The following NOS2 variants were observed in gnomAD, a reference collection of about 807,000 sequenced individuals.
NOS2 encodes the protein nitric oxide synthase 2.
Under a neutral mutation model 136.0 loss-of-function variants are expected in NOS2, and 96 were observed. That is an observed-to-expected ratio of 0.71 (90% CI 0.60 to 0.84). NOS2 has a LOEUF of 0.84. Ranked by LOEUF, NOS2 falls within the 40% of genes least tolerant of loss-of-function variation. The pLI is 0.00. For synonymous variants in NOS2, 539 were observed against 587.5 expected, an observed-to-expected ratio of 0.92 and a Z score of 1.20; for missense variants, 1,237 against 1,496.9, an observed-to-expected ratio of 0.83 and a Z score of 2.87.
At chr17:27,779,207 G>A in intron 9 of NOS2, 151 bp from the exon 10 acceptor site, 1 of 510,226 alleles carries the variant, frequency 2.0e-6, no homozygotes, top group Non-Finnish European at 3.0e-6. Flanking sequence ...TTAACTCCTG[G>A]GCCCAAGCGA....
intron 5 of NOS2, among the ~76,000 whole-genome samples, chr17:27,783,747 A>G (rs1408984443): frequency 3.3e-5 from 5 of 152,264 alleles, no homozygotes; most frequent in Non-Finnish European, 5.9e-5. Flanking sequence ...GCCCAGGAAC[A>G]TAAGTACAGG....
Position 27,783,058 on chromosome 17 carries a change from C to T in NOS2, c.516G>A (p.Glu172=). The T allele has an allele frequency of 1.2e-6, 2 of 1,614,236 alleles. No individual in the cohort carries two copies. Among genetic ancestry groups the T allele is most frequent in the South Asian group, 1.1e-5 (1 of 91,084 alleles). ...GTTGGTAGGTTCCTGTTGTTTCTAT[C>T]TCCTTTGTTACCGCTTCCACCCTGG... ...HLARVEAVTK[E]IETTGTYQLT... is the part of the protein sequence containing the mutation. Residue 172 remains glutamate, a synonymous_variant, in exon 6 of 27, where the codon GAG becomes GAA. Coordinates refer to ENST00000313735, the MANE Select transcript of NOS2 (RefSeq NM_000625.4).
At chr17:27,797,499 T>A (rs1207331107) in intron 2 of NOS2, among the ~76,000 whole-genome samples, 1 of 152,252 alleles carries the variant, frequency 6.6e-6, no homozygotes, top group African/African-American at 2.4e-5. Context: ...GCAAAGCCAC[T>A]TGCTCATCCC....
chr17:27,765,117 T>C (rs1908254537), intron 20 of NOS2, among the ~76,000 whole-genome samples: 1 of 152,196 alleles, frequency 6.6e-6, no homozygotes, highest in Non-Finnish European at 1.5e-5. Context: ...TGGCTGGGAT[T>C]GGGATAACAG....
chr17:27,780,859 C>A lies in NOS2; in HGVS notation c.912G>T (p.Val304=), dbSNP rs1357987788. 8 of 1,614,010 alleles carry A rather than the reference C, an allele frequency of 5.0e-6. No individual in the cohort carries two copies. The highest frequency in any genetic ancestry group is 3.3e-5 in the Admixed American group (2 of 60,006). ...CATTGGCCTGCAGGACCAGGGGGAC[C>A]ACATCGAAGCGGCCGTACTTGGGCT... ...GWKPKYGRFD[V]VPLVLQANGR... is the part of the protein sequence containing the mutation. Residue 304 remains valine, a synonymous_variant, in exon 9 of 27, where the codon GTG becomes GTT. Transcript: ENST00000313735.
chr17:27,765,139 C>G (rs774437126), intron 20 of NOS2, among the ~76,000 whole-genome samples: 2 of 152,306 alleles, frequency 1.3e-5, no homozygotes, highest in Non-Finnish European at 2.9e-5. Flanking sequence ...CATGTACCAC[C>G]ATTCCTGTCT....
Position 27,758,904 on chromosome 17 carries a change from C to G in NOS2, c.3331G>C (p.Glu1111Gln). The G allele has an allele frequency of 6.2e-7, 1 of 1,605,516 alleles. No individual in the cohort carries two copies. The highest frequency in any genetic ancestry group is 8.5e-7 in the Non-Finnish European group (1 of 1,175,888). Residue 1111 changes from glutamate to glutamine, a missense_variant, in exon 26 of 27, where the codon GAG becomes CAG. Physicochemically the swap from Glu to Gln is conservative, Grantham distance 29. This residue lies in a region of NOS2 where 782 missense variants were observed against 909.9 expected (regional missense o/e 0.86). Transcript: ENST00000313735. ...AKLKLNEEQV[E>Q]DYFFQLKSQK... is the part of the protein sequence containing the mutation. ...ACCTTGAGCTGAAAGAAATAGTCCT[C>G]GACCTGCTCCTCATTCAATTTCAGC...
intron 24 of NOS2, 22 bp from the exon 25 acceptor site, chr17:27,760,200 G>A (rs1362530943): frequency 1.3e-6 from 2 of 1,525,828 alleles, no homozygotes; most frequent in East Asian, 2.3e-5. Context: ...CCGGGCTGTT[G>A]TTACCATGTT....
At chr17:27,791,798 A>ATATATATATATAT (rs1567643098) in intron 2 of NOS2, among the ~76,000 whole-genome samples, 12 of 150,782 alleles carry the variant, frequency 8.0e-5, no homozygotes, top group African/African-American at 2.9e-4. Flanking sequence ...AAAACAAAAC[A>ATATATATATATAT]AAACAAAAAT....
At chr17:27,766,182 CTT>C (rs998650326) in intron 19 of NOS2, among the ~76,000 whole-genome samples, 4 of 152,220 alleles carry the variant, frequency 2.6e-5, no homozygotes, top group Non-Finnish European at 5.9e-5. Context: ...CCTGCCAACA[CTT>C]TTCCTGAAAG....
intron 4 of NOS2, 89 bp from the exon 5 acceptor site, chr17:27,787,915 T>G: frequency 7.1e-7 from 1 of 1,406,890 alleles, no homozygotes; most frequent in Non-Finnish European, 9.6e-7. Context: ...ACCTGGCTCC[T>G]CTCTGGCTGC....
At chr17:27,763,939 A>G (rs201581146) in intron 21 of NOS2, 42 bp downstream of exon 21, 5 of 1,545,358 alleles carry the variant, frequency 3.2e-6, no homozygotes, top group Admixed American at 1.9e-5. Flanking sequence ...ACATGCTGGG[A>G]CCCCCCACAT....
chr17:27,760,044 G>A lies in NOS2; in HGVS notation c.3145C>T (p.Pro1049Ser). The change falls in exon 25 of 27, where the codon CCT becomes TCT. Residue 1049 changes from proline (P) to serine (S), a missense_variant. By Grantham distance (74) the Pro-to-Ser change is moderately conservative. This residue lies in a region of NOS2 where 782 missense variants were observed against 909.9 expected (regional missense o/e 0.86). Coordinates refer to ENST00000313735, the MANE Select transcript of NOS2 (RefSeq NM_000625.4). ...GCTGCATTTACCTTGGGCTTGCCAG[G>A]CAGGCGGGAATAGGCTGTGTGCACC... is the stretch of plus-strand genomic sequence containing the variant. ...HAVHTAYSRL[P>S]GKPKVYVQDI... is the part of the protein sequence containing the mutation. 1 of 1,536,734 alleles carries A rather than the reference G, an allele frequency of 6.5e-7. No homozygotes were observed. The highest frequency in any genetic ancestry group is 1.3e-5 in the South Asian group (1 of 79,990).
At position 27,788,882 on chromosome 17, in the gene NOS2, G is replaced by A. The variant is rs1567642184; in HGVS notation, c.245C>T (p.Pro82Leu). The A allele has an allele frequency of 1.9e-6, 3 of 1,614,070 alleles. No individual in the cohort carries two copies. The change falls in exon 4 of 27, where the codon CCA (proline) becomes CTA (leucine). Residue 82 changes from proline (P) to leucine (L), a missense_variant. Transcript: ENST00000313735. ...CCAGTTTTTGATCCTCACATGCCGTGGGGAGGACAATGGGGTTGCATCCAG... is the reference window on the plus strand; with the variant it reads ...CCAGTTTTTGATCCTCACATGCCGTAGGGAGGACAATGGGGTTGCATCCAG... ...VKLDATPLSS[P>L]RHVRIKNWGS...
At chr17:27,772,272 G>A in intron 14 of NOS2, 36 bp downstream of exon 14, 1 of 1,612,798 alleles carries the variant, frequency 6.2e-7, no homozygotes, top group Admixed American at 1.7e-5. Context: ...CTGCACACAA[G>A]CAGAAAAAAC....
At chr17:27,768,370 A>G (rs1417272622) in intron 17 of NOS2, among the ~76,000 whole-genome samples, 2 of 152,154 alleles carry the variant, frequency 1.3e-5, no homozygotes, top group African/African-American at 4.8e-5. Context: ...GCCAATATTG[A>G]CATGATCTTG....
chr17:27,761,308 AC>A, intron 22 of NOS2, 77 bp from the exon 23 acceptor site: 1 of 1,043,394 alleles, frequency 9.6e-7, no homozygotes, highest in Non-Finnish European at 1.3e-6. Flanking sequence ...CGCCCACACC[AC>A]GGCCCTCCTT....
chr17:27,767,660 G>C, intron 18 of NOS2, 45 bp downstream of exon 18: 2 of 1,604,320 alleles, frequency 1.2e-6, no homozygotes, highest in Non-Finnish European at 1.7e-6. Context: ...TTAGGGCTCA[G>C]ACCCCAACAC....
chr17:27,782,947 C>G lies in NOS2; in HGVS notation c.627G>C (p.Leu209=), dbSNP rs776462988. 1 of 1,614,030 alleles carries G rather than the reference C, an allele frequency of 6.2e-7. No homozygotes were observed. The highest frequency in any genetic ancestry group is 8.5e-7 in the Non-Finnish European group (1 of 1,180,010). Residue 209 remains leucine (L), a synonymous_variant, in exon 6 of 27, where the codon CTG becomes CTC. Transcript: ENST00000313735. The part of the protein sequence containing the change: ...RCIGRIQWSN[L]QVFDARSCST... ...GCTCAAGTCTAAGGAAGTTCACCTG[C>G]AGGTTGGACCACTGGATCCTCCCAA...
Sources: allele counts gnomAD v4.1 joint callset (sites outside exome capture counted in the v4.1 genomes callset), GRCh38; gene constraint gnomAD v4.1.1; regional missense constraint gnomAD v4.1.1; transcripts MANE v1.5; gene names NCBI Gene and HGNC (gene_info 2026-07-23, HGNC 2026-07-21).